SLC39A14: variants seen among roughly 807,000 people sequenced by gnomAD.
The protein encoded by SLC39A14 is metal cation symporter ZIP14.
In SLC39A14, 19 loss-of-function variants were observed where a neutral mutation model predicts 45.5. The ratio of observed to expected loss-of-function variants is 0.42; its 90% confidence interval spans 0.29 to 0.61. The LOEUF is 0.61. SLC39A14 is among the 20% of genes least tolerant of loss of function. SLC39A14 has a pLI of 0.22. For synonymous variants in SLC39A14, 264 were observed against 251.3 expected (o/e 1.05, Z -0.48); for missense variants, 447 against 616.5 (o/e 0.73, Z 2.91).
chr8:22,433,086 G>T (rs2132405655), intron 8 of SLC39A14, among the ~76,000 whole-genome samples: 2 of 151,484 alleles, frequency 1.3e-5, no homozygotes, highest in Middle Eastern at 6.8e-3. Flanking sequence ...TTACAGTCAT[G>T]AGCCTCTGCA....
intron 1 of SLC39A14, among the ~76,000 whole-genome samples, chr8:22,391,198 C>T (rs535092213): frequency 2.0e-5 from 3 of 152,316 alleles, no homozygotes; most frequent in East Asian, 3.9e-4. Context: ...GCACCCTGAT[C>T]TATACATCCC....
intron 3 of SLC39A14, 35 bp from the exon 4 acceptor site, chr8:22,412,002 C>T (rs1325220171): frequency 2.6e-6 from 4 of 1,538,462 alleles, no homozygotes; most frequent in Non-Finnish European, 2.6e-6. Context: ...TCTCTCCCTG[C>T]CCTGGGTGGG....
intron 1 of SLC39A14, among the ~76,000 whole-genome samples, chr8:22,388,799 C>T (rs1176730433): frequency 2.0e-5 from 3 of 152,184 alleles, no homozygotes; most frequent in African/African-American, 7.2e-5. Context: ...GAGGTTTGGA[C>T]AGCCCGAGGG....
intron 1 of SLC39A14, among the ~76,000 whole-genome samples, chr8:22,380,993 A>G (rs1833477564): frequency 6.8e-6 from 1 of 146,440 alleles, no homozygotes; most frequent in East Asian, 2.0e-4. Flanking sequence ...TTTTTTTTTT[A>G]TACAGAGTCT....
chr8:22,425,051 GAC>G (rs1836360942), downstream of SLC39A14, among the ~76,000 whole-genome samples: 2 of 108,430 alleles, frequency 1.8e-5, no homozygotes, highest in African/African-American at 3.2e-5. Flanking sequence ...AAAAAAAAAA[GAC>G]TAAATGAAAT....
intron 1 of SLC39A14, among the ~76,000 whole-genome samples, chr8:22,383,567 C>T (rs1213165790): frequency 6.6e-6 from 1 of 152,164 alleles, no homozygotes; most frequent in Admixed American, 6.5e-5. Context: ...GGCCAGGCCC[C>T]AGGGACTGGG....
intron 5 of SLC39A14, 50 bp downstream of exon 5, chr8:22,414,952 C>A: frequency 6.3e-7 from 1 of 1,596,616 alleles, no homozygotes; most frequent in Non-Finnish European, 8.5e-7. Context: ...AAACACCCAT[C>A]TCAAACAATG....
chr8:22,405,427 C>A (rs978319724), intron 2 of SLC39A14, among the ~76,000 whole-genome samples: 2 of 152,176 alleles, frequency 1.3e-5, no homozygotes, highest in Non-Finnish European at 2.9e-5. Flanking sequence ...GCAAGAGAAT[C>A]GCTTGAACCC....
At chr8:22,387,626 T>C (rs1374571422) in intron 1 of SLC39A14, among the ~76,000 whole-genome samples, 3 of 152,290 alleles carry the variant, frequency 2.0e-5, no homozygotes, top group Non-Finnish European at 2.9e-5. Flanking sequence ...AACCTGAGGA[T>C]AGGGGGCCTT....
chr8:22,402,507 C>T (rs143872448), intron 1 of SLC39A14, among the ~76,000 whole-genome samples: 1,703 of 152,340 alleles, frequency 0.011, 21 homozygotes, highest in African/African-American at 0.038. Flanking sequence ...CGGTGGCATA[C>T]GCCTACAATC....
intron 3 of SLC39A14, 113 bp from the exon 4 acceptor site, chr8:22,411,924 G>T: frequency 8.3e-6 from 8 of 964,264 alleles, no homozygotes; most frequent in South Asian, 1.9e-5. Context: ...ACTTTTCCTT[G>T]CGACCTCCCT....
intron 1 of SLC39A14, among the ~76,000 whole-genome samples, chr8:22,374,431 G>A (rs1833097635): frequency 6.6e-6 from 1 of 152,182 alleles, no homozygotes; most frequent in Non-Finnish European, 1.5e-5. Flanking sequence ...GGCCAGAGGA[G>A]GGAGTGGCAG....
intron 1 of SLC39A14, among the ~76,000 whole-genome samples, chr8:22,400,431 C>G (rs1426725513): frequency 6.6e-6 from 1 of 152,202 alleles, no homozygotes; most frequent in Non-Finnish European, 1.5e-5. Context: ...AGGCAGACCT[C>G]CCCCTTGTTT....
intron 1 of SLC39A14, among the ~76,000 whole-genome samples, chr8:22,385,738 C>G (rs1352501433): frequency 2.6e-5 from 4 of 152,082 alleles, no homozygotes; most frequent in African/African-American, 9.6e-5. Flanking sequence ...GGCTCACACC[C>G]ATAATCCTAG....
chr8:22,388,479 C>T (rs930673186), intron 1 of SLC39A14, among the ~76,000 whole-genome samples: 2 of 151,898 alleles, frequency 1.3e-5, no homozygotes, highest in African/African-American at 4.8e-5. Flanking sequence ...TTGGAGAGAC[C>T]CCTGACTCCC....
At chr8:22,413,370 C>T (rs981881619) in intron 4 of SLC39A14, among the ~76,000 whole-genome samples, 10 of 151,634 alleles carry the variant, frequency 6.6e-5, no homozygotes, top group Non-Finnish European at 1.3e-4. Context: ...TGCACAAGAG[C>T]GCATATCCCT....
At chr8:22,416,753 G>A (rs781130162) in intron 7 of SLC39A14, among the ~76,000 whole-genome samples, 5 of 152,044 alleles carry the variant, frequency 3.3e-5, no homozygotes, top group African/African-American at 7.2e-5. Context: ...ATTTCTTAAC[G>A]ATTAAATAGA....
chr8:22,387,307 G>A (rs1833844135), intron 1 of SLC39A14, among the ~76,000 whole-genome samples: 1 of 152,114 alleles, frequency 6.6e-6, no homozygotes, highest in Non-Finnish European at 1.5e-5. Context: ...ACTGTGAATA[G>A]TGCTGCCATA....
intron 1 of SLC39A14, among the ~76,000 whole-genome samples, chr8:22,387,258 C>G (rs761051705): frequency 1.3e-5 from 2 of 151,930 alleles, no homozygotes; most frequent in Non-Finnish European, 2.9e-5. Context: ...CATCCACTCT[C>G]TTGCTGATGG....
Sources: gnomAD v4.1 joint callset for allele counts (sites outside exome capture counted in the v4.1 genomes callset) on GRCh38, gnomAD v4.1.1 for gene constraint, MANE v1.5 for transcripts, NCBI Gene and HGNC (gene_info 2026-07-23, HGNC 2026-07-21) for gene names.